The following MLANA variants were observed in gnomAD, a reference collection of about 807,000 sequenced individuals.
The protein encoded by MLANA is melan-A.
In MLANA, 21 loss-of-function variants were observed where a neutral mutation model predicts 15.7. The ratio of observed to expected loss-of-function variants is 1.33; its 90% CI spans 0.95 to 1.92. MLANA has a LOEUF of 1.92. MLANA is among the 40% of genes most tolerant of loss of function. The pLI, the probability that MLANA is intolerant of heterozygous loss-of-function variation, is 0.00. For missense variants in MLANA, 164 were observed against 143.8 expected (o/e 1.14, Z -0.72); for synonymous variants, 56 against 51.5 (o/e 1.09, Z -0.37).
In MLANA at chr9:5,892,436, G is replaced by A. The variant is rs1272266351; in HGVS notation, c.-25-14G>A. On this transcript the variant is annotated splice_polypyrimidine_tract_variant and intron_variant, in intron 1 of 4. Transcript: ENST00000381477. ...TTGGATGCATTAATGATGCCCACATGCTCCTTCTGTTAGGTGTCCTGTGCC... is the reference window on the plus strand; with the variant it reads ...TTGGATGCATTAATGATGCCCACATACTCCTTCTGTTAGGTGTCCTGTGCC... 4 of 1,588,772 alleles carry A rather than the reference G, an allele frequency of 2.5e-6. No individual in the cohort carries two copies. The highest frequency in any genetic ancestry group is 2.2e-5 in the East Asian group (1 of 44,504).
chr9:5,907,516 G>A lies in MLANA; in HGVS notation c.288+518G>A, dbSNP rs1158298102. ...TATCATATTTCAAAAATATTAGTATGTAGAAAAGAAGATAAATGGTTCATT... is the reference window on the plus strand; with the variant it reads ...TATCATATTTCAAAAATATTAGTATATAGAAAAGAAGATAAATGGTTCATT... On this transcript the variant is annotated intron_variant, in intron 4 of 4. Coordinates refer to ENST00000381477, the MANE Select transcript of MLANA (RefSeq NM_005511.2). Among the ~76,000 whole-genome samples, 4 of 152,246 alleles carry A rather than the reference G, an allele frequency of 2.6e-5. No homozygotes were observed. The East Asian group carries it at 7.7e-4, about 29-fold the overall frequency.
intron 2 of MLANA, among the ~76,000 whole-genome samples, chr9:5,893,215 G>GT (rs1831768946): frequency 6.6e-6 from 1 of 152,196 alleles, no homozygotes; most frequent in African/African-American, 2.4e-5. Context: ...TGTAAGTGCG[G>GT]TAATGAAAAC....
intron 2 of MLANA, among the ~76,000 whole-genome samples, chr9:5,895,686 G>A (rs1831968130): frequency 6.6e-6 from 1 of 152,204 alleles, no homozygotes; most frequent in African/African-American, 2.4e-5. Flanking sequence ...CCACCTAAGA[G>A]GCTGATTGGG....
Position 5,903,237 on chromosome 9 carries a change from C to A in MLANA, c.175-3648C>A, listed in dbSNP as rs182276662. On this transcript the variant is annotated intron_variant, in intron 3 of 4. Transcript: ENST00000381477. ...AAATTTGTTAAGATGTGTTTTGTGG[C>A]CCAGAATGTGGTTTATCCTGGTTAA... 3.3e-5 allele frequency among the ~76,000 whole-genome samples: 5 copies of A among 152,138 alleles called. No homozygotes were observed. In the East Asian group the frequency reaches 9.6e-4, roughly 29 times the overall value.
rs1435190411 is a variant in MLANA at position 5,908,959 on chromosome 9, G to A, written c.*251G>A. ...ATGCATGATACTATCTGTGCCAGAG[G>A]TAATGTTAGTAAATCCATGGTGTTA... On this transcript the variant is annotated 3_prime_UTR_variant, in exon 5 of 5. Coordinates refer to ENST00000381477, the MANE Select transcript of MLANA (RefSeq NM_005511.2). 14 of 420,656 alleles carry A rather than the reference G, an allele frequency of 3.3e-5. No homozygotes were observed. The highest frequency in any genetic ancestry group is 5.5e-5 in the Non-Finnish European group (13 of 236,942). The allele number at this position is 420,656 out of a possible 1,614,324, so 26.1% of individuals were successfully genotyped here. A position where few individuals can be genotyped will look rare whatever the true frequency, so the allele number is the denominator to read the frequency against.
rs1013670923 is a variant in MLANA, at chr9:5,910,498, G to A, written c.*1790G>A. ...ATTCTAAACCAAAGAAACTTCATCA[G>A]GCATTTGGGTACCTCCTCCCCTCAC... On this transcript the variant is annotated 3_prime_UTR_variant, in exon 5 of 5. Coordinates refer to ENST00000381477, the MANE Select transcript of MLANA (RefSeq NM_005511.2). 6.6e-6 allele frequency: 1 copy of A among 152,166 alleles called. No individual in the cohort carries two copies. The highest frequency in any genetic ancestry group is 2.4e-5 in the African/African-American group (1 of 41,416). The allele number at this position is 152,166 out of a possible 1,614,324, so 9.4% of individuals were successfully genotyped here. A position where few individuals can be genotyped will look rare whatever the true frequency, so the allele number is the denominator to read the frequency against.
In MLANA at chr9:5,908,529, A is replaced by T. The variant is rs944155272; in HGVS notation, c.289-111A>T. 34 of 952,278 alleles carry T rather than the reference A, an allele frequency of 3.6e-5. No individual in the cohort carries two copies. The African/African-American group carries it at 5.4e-4, about 15-fold the overall frequency. The allele number at this position is 952,278 out of a possible 1,614,324, so 59.0% of individuals were successfully genotyped here. The stretch of plus-strand genomic sequence containing the variant: ...CAGAAATTATATGGGAACACTTAGA[A>T]ATTTCAGTCCACAGGGAAAGTATAA... On this transcript the variant is annotated intron_variant, in intron 4 of 4. Transcript: ENST00000381477.
intron 1 of MLANA, among the ~76,000 whole-genome samples, chr9:5,891,462 C>T (rs1474350039): frequency 6.6e-6 from 1 of 152,106 alleles, no homozygotes; most frequent in African/African-American, 2.4e-5. Context: ...TAAAATGTCC[C>T]AGTGGAAAGG....
chr9:5,891,878 T>G (rs1230128363), intron 1 of MLANA, among the ~76,000 whole-genome samples: 1 of 152,214 alleles, frequency 6.6e-6, no homozygotes, highest in Non-Finnish European at 1.5e-5. Context: ...TGGGGTGGTT[T>G]CCTTTGCTGA....
intron 3 of MLANA, among the ~76,000 whole-genome samples, chr9:5,905,356 T>A (rs1832732380): frequency 1.3e-5 from 2 of 152,152 alleles, no homozygotes; most frequent in African/African-American, 2.4e-5. Flanking sequence ...TTATACTCCC[T>A]CCCTTTTAGA....
chr9:5,896,302 A>T (rs149429208), intron 2 of MLANA, among the ~76,000 whole-genome samples: 75 of 152,218 alleles, frequency 4.9e-4, no homozygotes, highest in African/African-American at 1.7e-3. Context: ...TTGGTGCTCA[A>T]TGAATGGTAG....
intron 4 of MLANA, among the ~76,000 whole-genome samples, chr9:5,907,764 C>T (rs1417322230): frequency 1.3e-5 from 2 of 152,164 alleles, no homozygotes; most frequent in East Asian, 3.9e-4. Context: ...ACCAGCCTGG[C>T]AAACATGGTG....
At position 5,909,823 on chromosome 9, in the gene MLANA, G is replaced by C. The variant is rs1252924563; in HGVS notation, c.*1115G>C. On this transcript the variant is annotated 3_prime_UTR_variant, in exon 5 of 5. Transcript: ENST00000381477. ...AAATCATAAAGGATCAGAGATTCTG[G>C]AATGGTGTCATTATTTGCATAGCAA... The C allele has an allele frequency of 6.6e-6, 1 of 152,158 alleles. No homozygotes were observed. The highest frequency in any genetic ancestry group is 2.4e-5 in the African/African-American group (1 of 41,444). The allele number at this position is 152,158 out of a possible 1,614,324, so 9.4% of individuals were successfully genotyped here. A position where few individuals can be genotyped will look rare whatever the true frequency, so the allele number is the denominator to read the frequency against.
At chr9:5,896,767 T>C (rs376396489) in intron 2 of MLANA, among the ~76,000 whole-genome samples, 2 of 152,326 alleles carry the variant, frequency 1.3e-5, no homozygotes, top group African/African-American at 4.8e-5. Flanking sequence ...ACTGTAATGC[T>C]TCCCAGGGGT....
intron 2 of MLANA, among the ~76,000 whole-genome samples, chr9:5,893,646 C>T (rs1419499548): frequency 6.6e-6 from 1 of 152,162 alleles, no homozygotes; most frequent in African/African-American, 2.4e-5. Flanking sequence ...GTTAGGGTAT[C>T]GTTTCAGCTT....
intron 1 of MLANA, among the ~76,000 whole-genome samples, chr9:5,891,925 C>A (rs2129876928): frequency 6.6e-6 from 1 of 152,286 alleles, no homozygotes; most frequent in South Asian, 2.1e-4. Flanking sequence ...CAGTGCTCAA[C>A]CTCATGCACC....
At chr9:5,893,544 T>C (rs930928915) in intron 2 of MLANA, among the ~76,000 whole-genome samples, 4 of 152,114 alleles carry the variant, frequency 2.6e-5, no homozygotes, top group Non-Finnish European at 5.9e-5. Context: ...CCCTGGCCAA[T>C]TGGAGATGAG....
rs1831859185 is a variant in MLANA at position 5,894,249 on chromosome 9, T to A, written c.77+1698T>A. Among the ~76,000 whole-genome samples, 1 of 152,106 alleles carries A rather than the reference T, an allele frequency of 6.6e-6. No homozygotes were observed. ...AGCTGGGGAACCTCATAGCCAGGTGTACCCACAACCTGAACAAGGTAACTT... is the reference window on the plus strand; with the variant it reads ...AGCTGGGGAACCTCATAGCCAGGTGAACCCACAACCTGAACAAGGTAACTT... On this transcript the variant is annotated intron_variant, in intron 2 of 4. Transcript: ENST00000381477. This position sits in a 1 kb window ranked among gnomAD's most constrained non-coding sequence, Gnocchi z 4.0.
At chr9:5,892,651 T>TG in intron 2 of MLANA, 100 bp downstream of exon 2, 1 of 905,386 alleles carries the variant, frequency 1.1e-6, no homozygotes, top group South Asian at 1.8e-5. Flanking sequence ...ATCTCCCTAG[T>TG]GTTTATCTCC....
Sources: allele counts gnomAD v4.1 joint callset (sites outside exome capture counted in the v4.1 genomes callset), GRCh38; gene constraint gnomAD v4.1.1; non-coding constraint Gnocchi (gnomAD v3.1); transcripts MANE v1.5; gene names NCBI Gene and HGNC (gene_info 2026-07-23, HGNC 2026-07-21).